Variants in XKR9 observed in about 807,000 individuals in gnomAD.
The protein encoded by XKR9 is XK-related protein 9.
XKR9 carries 32 observed loss-of-function variants against 32.0 expected under a neutral mutation model. The ratio of observed to expected loss-of-function variants is 1.00; its 90% CI spans 0.76 to 1.34. The LOEUF is 1.34. Among genes scored for constraint, XKR9 ranks in the 40% most tolerant of loss-of-function variants. The probability of loss-of-function intolerance (pLI) is 0.00; values close to 1 mark genes in which losing one functional copy is unlikely to be tolerated. For synonymous variants in XKR9, 168 were observed against 143.4 expected (o/e 1.17, Z -1.22); for missense variants, 546 against 429.7 (o/e 1.27, Z -2.39).
At chr8:70,793,942 A>G (rs1807796542), downstream of XKR9, among the ~76,000 whole-genome samples, 1 of 152,066 alleles carries the variant, frequency 6.6e-6, no homozygotes, top group Non-Finnish European at 1.5e-5. Context: ...TCAATTTGGG[A>G]GTAGCTTAAC....
chr8:71,031,417 A>G, the XKR9 span, among the ~76,000 whole-genome samples: 1 of 152,272 alleles, frequency 6.6e-6, no homozygotes, highest in African/African-American at 2.4e-5. Flanking sequence ...TCATTACTTT[A>G]CTGGGTTCAA....
At chr8:70,943,719 C>A in the XKR9 span, among the ~76,000 whole-genome samples, 1 of 151,954 alleles carries the variant, frequency 6.6e-6, no homozygotes, top group Non-Finnish European at 1.5e-5. Context: ...GGGCTGGGAG[C>A]TTGGAGACTT....
At chr8:70,865,457 C>A in the XKR9 span, among the ~76,000 whole-genome samples, 1 of 142,788 alleles carries the variant, frequency 7.0e-6, no homozygotes, top group Non-Finnish European at 1.6e-5. Flanking sequence ...GGTTCTGAGT[C>A]TCACTTTCTC....
Position 70,748,298 on chromosome 8 carries a change from C to G in XKR9, n.353-41041C>G, listed in dbSNP as rs575636298. 1.2e-4 allele frequency among the ~76,000 whole-genome samples: 19 copies of G among 152,292 alleles called. No individual in the cohort carries two copies. The South Asian group carries it at 3.5e-3, about 28-fold the overall frequency. ...CAGATGTAGCTGCCCAGCTGCAGCT[C>G]TAGACCTGGGCATCCCTGCACTCGC... On this transcript the variant is annotated intron_variant and non_coding_transcript_variant, in intron 2 of 3. Coordinates refer to the XKR9 transcript ENST00000520273.
chr8:71,052,882 A>G, the XKR9 span, among the ~76,000 whole-genome samples: 2 of 152,196 alleles, frequency 1.3e-5, no homozygotes, highest in Non-Finnish European at 2.9e-5. Flanking sequence ...GGGACTCTGG[A>G]GAGCACCTGT....
At chr8:70,968,587 A>G in the XKR9 span, among the ~76,000 whole-genome samples, 3 of 152,026 alleles carry the variant, frequency 2.0e-5, no homozygotes, top group Non-Finnish European at 4.4e-5. Context: ...ATGATCTTCA[A>G]TCTTTGAGGT....
chr8:71,049,184 T>C, the XKR9 span, among the ~76,000 whole-genome samples: 1 of 152,228 alleles, frequency 6.6e-6, no homozygotes, highest in Non-Finnish European at 1.5e-5. Flanking sequence ...GTAATTTTAA[T>C]AATTCACCCA....
intron 3 of XKR9, among the ~76,000 whole-genome samples, chr8:70,705,913 T>A (rs990467787): frequency 1.3e-5 from 2 of 152,168 alleles, no homozygotes; most frequent in East Asian, 1.9e-4. Context: ...TAAGAAGTGT[T>A]TAGATTCTGG....
chr8:70,999,831 C>T, the XKR9 span, among the ~76,000 whole-genome samples: 5 of 152,128 alleles, frequency 3.3e-5, no homozygotes, highest in Admixed American at 6.5e-5. Flanking sequence ...AAAATAGCCA[C>T]GGCATTTATT....
intron 2 of XKR9, among the ~76,000 whole-genome samples, chr8:70,774,492 G>T (rs75771890): frequency 6.6e-6 from 1 of 152,014 alleles, no homozygotes; most frequent in Non-Finnish European, 1.5e-5. Context: ...CTACCCTTCA[G>T]TCTTAAAGAT....
At chr8:70,868,002 G>T in the XKR9 span, among the ~76,000 whole-genome samples, 2 of 152,202 alleles carry the variant, frequency 1.3e-5, no homozygotes. Context: ...AAATCTTAAA[G>T]CTCCAAAATG....
the XKR9 span, among the ~76,000 whole-genome samples, chr8:70,878,842 C>G: frequency 1.3e-5 from 2 of 152,198 alleles, no homozygotes; most frequent in Non-Finnish European, 2.9e-5. Context: ...CCCAAATCAA[C>G]AGAATATACA....
chr8:71,055,316 T>C, the XKR9 span, among the ~76,000 whole-genome samples: 5 of 152,174 alleles, frequency 3.3e-5, no homozygotes, highest in African/African-American at 1.2e-4. Flanking sequence ...CAAGGATATA[T>C]ACAAATTCAG....
At chr8:70,830,527 C>T in the XKR9 span, among the ~76,000 whole-genome samples, 2 of 152,068 alleles carry the variant, frequency 1.3e-5, no homozygotes, top group African/African-American at 2.4e-5. Context: ...GTCAAGGCTG[C>T]AATGTGTGGT....
At chr8:70,988,333 TAAAA>T in the XKR9 span, among the ~76,000 whole-genome samples, 1 of 139,512 alleles carries the variant, frequency 7.2e-6, no homozygotes. Flanking sequence ...CATGCGTGGT[TAAAA>T]AAAAAAAAAA....
At chr8:71,035,513 C>T in the XKR9 span, among the ~76,000 whole-genome samples, 10 of 152,208 alleles carry the variant, frequency 6.6e-5, no homozygotes, top group African/African-American at 1.9e-4. Context: ...CAGACATTCT[C>T]ATGTTGCAAC....
intron 2 of XKR9, among the ~76,000 whole-genome samples, chr8:70,761,098 T>A (rs1807302870): frequency 6.6e-6 from 1 of 152,244 alleles, no homozygotes; most frequent in Non-Finnish European, 1.5e-5. Context: ...CACATTTTCT[T>A]CATCCAGTCG....
chr8:71,019,681 C>G, the XKR9 span, among the ~76,000 whole-genome samples: 1 of 152,162 alleles, frequency 6.6e-6, no homozygotes, highest in Admixed American at 6.5e-5. Context: ...TTTAAAATGT[C>G]TTAACCTTCA....
chr8:70,805,998 C>T, the XKR9 span, among the ~76,000 whole-genome samples: 1 of 152,252 alleles, frequency 6.6e-6, no homozygotes, highest in South Asian at 2.1e-4. Flanking sequence ...TATACAGGAG[C>T]AATCCTACTG....
Sources: allele counts gnomAD v4.1 joint callset (sites outside exome capture counted in the v4.1 genomes callset), GRCh38; gene constraint gnomAD v4.1.1; transcripts MANE v1.5; gene names NCBI Gene and HGNC (gene_info 2026-07-23, HGNC 2026-07-21).